FAT3: variants seen among roughly 807,000 people sequenced by gnomAD.
FAT3 encodes the protein protocadherin Fat 3.
In FAT3, 95 loss-of-function variants were observed where a neutral mutation model predicts 310.2. That is an observed-to-expected ratio of 0.31 (90% CI 0.26 to 0.36). The LOEUF (loss-of-function observed/expected upper bound fraction) is 0.36, where lower values mean the gene tolerates loss of function less well. FAT3 is among the 10% of genes least tolerant of loss of function. FAT3 has a pLI of 1.00. For synonymous variants in FAT3, 2,314 were observed against 2,192.9 expected, an observed-to-expected ratio of 1.06 and a Z score of -1.54; for missense variants, 5,408 against 5,715.6, an observed-to-expected ratio of 0.95 and a Z score of 1.74.
intron 4 of FAT3, among the ~76,000 whole-genome samples, chr11:92,723,854 C>T (rs1944928768): frequency 6.6e-6 from 1 of 152,138 alleles, no homozygotes; most frequent in African/African-American, 2.4e-5. Flanking sequence ...AAGTACCTCC[C>T]ACCAGGTCCC....
intron 3 of FAT3, among the ~76,000 whole-genome samples, chr11:92,585,254 G>C (rs970480550): frequency 2.0e-5 from 3 of 152,010 alleles, no homozygotes; most frequent in Admixed American, 6.6e-5. Context: ...AAATATTGGT[G>C]ACTATCAATT....
intron 2 of FAT3, among the ~76,000 whole-genome samples, chr11:92,503,649 C>T (rs148966012): frequency 1.8e-3 from 267 of 152,222 alleles, no homozygotes; most frequent in African/African-American, 6.1e-3. Flanking sequence ...TGTTCTCACA[C>T]AAACATAAGT....
At chr11:92,591,239 T>C (rs1939409510) in intron 3 of FAT3, among the ~76,000 whole-genome samples, 1 of 152,150 alleles carries the variant, frequency 6.6e-6, no homozygotes, top group African/African-American at 2.4e-5. Context: ...CCTCATCTCC[T>C]CTTAGGCTGA....
At chr11:92,500,183 C>A (rs2135269860) in intron 2 of FAT3, among the ~76,000 whole-genome samples, 1 of 152,036 alleles carries the variant, frequency 6.6e-6, no homozygotes, top group Admixed American at 6.6e-5. Context: ...AATGCTAAGA[C>A]CTGTCACACA....
Position 92,883,196 on chromosome 11 carries a change from G to A in FAT3, c.12740G>A (p.Ser4247Asn), listed in dbSNP as rs764700722. 7 of 1,613,264 alleles carry A rather than the reference G, an allele frequency of 4.3e-6. No homozygotes were observed. The highest frequency in any genetic ancestry group is 1.3e-5 in the African/African-American group (1 of 74,934). The change falls in exon 24 of 28, where the codon AGC (serine) becomes AAC (asparagine). Residue 4247 changes from serine to asparagine, a missense_variant. By Grantham distance (46) the Ser-to-Asn change is conservative. Around this residue, in one of 5 missense-constraint regions of FAT3, gnomAD observed 649 missense variants for 666.2 expected, o/e 0.97. Coordinates refer to ENST00000525166, the MANE Select transcript of FAT3 (RefSeq NM_001367949.2). The surrounding 1 kb of genome is among the most constrained non-coding windows in gnomAD (Gnocchi z 4.2). Reference protein sequence around the residue: ...YTPCFQSDSRSNLDKIVDGLG... With the variant: ...YTPCFQSDSRNNLDKIVDGLG... ...CCCTGCTTCCAGAGTGACTCCAGGA[G>A]CAACCTGGATAAGATCGTGGACGGG...
intron 2 of FAT3, chr11:92,498,218 T>G (rs954660743): frequency 5.7e-6 from 1 of 174,466 alleles, no homozygotes; most frequent in Non-Finnish European, 1.3e-5. Flanking sequence ...TCCCAGTAGC[T>G]TTTCCAGAAC....
At chr11:92,468,122 G>C (rs913219931) in intron 2 of FAT3, among the ~76,000 whole-genome samples, 1 of 152,166 alleles carries the variant, frequency 6.6e-6, no homozygotes, top group Admixed American at 6.5e-5. Flanking sequence ...GCCAGGTCGG[G>C]TTTAATCATT....
intron 2 of FAT3, among the ~76,000 whole-genome samples, chr11:92,442,107 ATATATTTTTT>A (rs1951085456): frequency 4.0e-5 from 2 of 49,862 alleles, no homozygotes; most frequent in African/African-American, 2.9e-4. Context: ...ATATATATAT[ATATATTTTTT>A]TTTTTTTTTT....
At chr11:92,238,754 T>C (rs1864543132) in intron 1 of FAT3, among the ~76,000 whole-genome samples, 1 of 152,078 alleles carries the variant, frequency 6.6e-6, no homozygotes, top group Non-Finnish European at 1.5e-5. Flanking sequence ...GTTTCTGTTA[T>C]CTTATTTTTA....
At chr11:92,705,548 G>GATC (rs2135931774) in intron 4 of FAT3, among the ~76,000 whole-genome samples, 2 of 141,394 alleles carry the variant, frequency 1.4e-5, no homozygotes, top group African/African-American at 2.6e-5. Flanking sequence ...ATGGTGTGAT[G>GATC]GTGGTGGTGT....
At chr11:92,252,500 A>G (rs1294888618) in intron 1 of FAT3, among the ~76,000 whole-genome samples, 1 of 152,252 alleles carries the variant, frequency 6.6e-6, no homozygotes, top group East Asian at 1.9e-4. Context: ...TAGGAGTCCT[A>G]TGCTTACGGT....
intron 3 of FAT3, among the ~76,000 whole-genome samples, chr11:92,636,795 T>G (rs535226578): frequency 7.2e-4 from 110 of 152,350 alleles, no homozygotes; most frequent in Admixed American, 3.5e-3. Flanking sequence ...AAAGGAACCA[T>G]GACAATCCAG....
In FAT3 at chr11:92,354,672, GA is replaced by G; in HGVS notation, c.2562del (p.Ala855ProfsTer6). 1 of 1,613,788 alleles carries G rather than the reference GA, an allele frequency of 6.2e-7. No homozygotes were observed. Among genetic ancestry groups the G allele is most frequent in the Non-Finnish European group, 8.5e-7 (1 of 1,179,854 alleles). ...CATTGGTACTGAAATCATTCAAGTG[GA>G]AGCCAGAGACAAAGACTTAGGTTCT... is the stretch of plus-strand genomic sequence containing the variant. ...SGIGTEIIQV[E>X]ARDKDLGSNG... is the part of the protein sequence containing the mutation. On this transcript the variant is annotated frameshift_variant, in exon 2 of 28. Coordinates refer to ENST00000525166, the MANE Select transcript of FAT3 (RefSeq NM_001367949.2). LOFTEE classifies it high-confidence loss of function.
At chr11:92,442,271 G>A (rs577338999) in intron 2 of FAT3, among the ~76,000 whole-genome samples, 215 of 148,302 alleles carry the variant, frequency 1.4e-3, no homozygotes, top group African/African-American at 4.8e-3. Context: ...CCGCCACCAC[G>A]CCCGGCTAAT....
intron 23 of FAT3, among the ~76,000 whole-genome samples, chr11:92,881,903 T>C (rs1042865682): frequency 1.3e-5 from 2 of 152,198 alleles, no homozygotes; most frequent in African/African-American, 4.8e-5. Flanking sequence ...AGTATTAGCC[T>C]TTAACATAAG....
chr11:92,620,905 A>G (rs535961482), intron 3 of FAT3, among the ~76,000 whole-genome samples: 4 of 152,288 alleles, frequency 2.6e-5, no homozygotes, highest in South Asian at 4.2e-4. Context: ...GATTGCAGAG[A>G]GCTGTCTTTT....
At chr11:92,377,093 G>A (rs1202749685) in intron 2 of FAT3, among the ~76,000 whole-genome samples, 1 of 152,194 alleles carries the variant, frequency 6.6e-6, no homozygotes, top group Admixed American at 6.5e-5. Flanking sequence ...TGTACAGTCT[G>A]TACGTGTAAG....
intron 13 of FAT3, among the ~76,000 whole-genome samples, chr11:92,825,206 A>C (rs1328299649): frequency 6.6e-6 from 1 of 152,216 alleles, no homozygotes; most frequent in Non-Finnish European, 1.5e-5. Context: ...TTATGTTAGC[A>C]GGAACGTATA....
chr11:92,836,805 A>G (rs1356391205), intron 16 of FAT3, 102 bp downstream of exon 16: 2 of 1,349,284 alleles, frequency 1.5e-6, no homozygotes, highest in Non-Finnish European at 2.0e-6. Flanking sequence ...TCTCCATTCT[A>G]AGTAATGAGA....
Sources: allele counts gnomAD v4.1 joint callset (sites outside exome capture counted in the v4.1 genomes callset), GRCh38; gene constraint gnomAD v4.1.1; regional missense constraint gnomAD v4.1.1; non-coding constraint Gnocchi (gnomAD v3.1); transcripts MANE v1.5; gene names NCBI Gene and HGNC (gene_info 2026-07-23, HGNC 2026-07-21).